The following SLIT3 variants were observed in gnomAD, a reference collection of about 807,000 sequenced individuals.
SLIT3 encodes the protein slit guidance ligand 3.
A neutral mutation model predicts 184.0 loss-of-function variants in SLIT3; 68 were observed. The ratio of observed to expected loss-of-function variants is 0.37; its 90% confidence interval spans 0.30 to 0.45. The LOEUF is 0.45. Among genes scored for constraint, SLIT3 ranks in the 20% least tolerant of loss-of-function variants. The pLI, the probability that SLIT3 is intolerant of heterozygous loss-of-function variation, is 1.00. For synonymous variants in SLIT3, 831 were observed against 828.6 expected (o/e 1.00, Z -0.05); for missense variants, 1,707 against 2,026.0 (o/e 0.84, Z 3.02).
intron 4 of SLIT3, among the ~76,000 whole-genome samples, chr5:169,059,621 CAA>C (rs1465352178): frequency 6.6e-6 from 1 of 152,212 alleles, no homozygotes; most frequent in African/African-American, 2.4e-5. Context: ...ACATTAAAAA[CAA>C]ATTTTTAAAA....
chr5:168,876,318 C>A (rs550994622), intron 5 of SLIT3, among the ~76,000 whole-genome samples: 1 of 152,300 alleles, frequency 6.6e-6, no homozygotes, highest in East Asian at 1.9e-4. Flanking sequence ...CTCCCCACTG[C>A]TGCTGAAGCT....
chr5:168,745,318 G>A (rs1763766245), intron 20 of SLIT3, among the ~76,000 whole-genome samples: 1 of 152,232 alleles, frequency 6.6e-6, no homozygotes, highest in African/African-American at 2.4e-5. Flanking sequence ...TTTTGGTGAA[G>A]ATGCTGTGAA....
At chr5:169,237,312 T>C (rs77966819) in intron 3 of SLIT3, among the ~76,000 whole-genome samples, 6,089 of 152,300 alleles carry the variant, frequency 0.04, 413 homozygotes, top group African/African-American at 0.14. Context: ...GATAAATGCA[T>C]AGTGTCACGT....
At chr5:169,107,985 CA>C (rs1760280691) in intron 4 of SLIT3, among the ~76,000 whole-genome samples, 1 of 152,222 alleles carries the variant, frequency 6.6e-6, no homozygotes, top group African/African-American at 2.4e-5. Context: ...TCATTCTTCA[CA>C]CTCATTTTGA....
At chr5:168,881,928 G>A (rs1300512721) in intron 5 of SLIT3, among the ~76,000 whole-genome samples, 1 of 152,170 alleles carries the variant, frequency 6.6e-6, no homozygotes, top group East Asian at 1.9e-4. Flanking sequence ...ACCCTCAGAA[G>A]CAGCAGCAGG....
chr5:169,267,185 C>A (rs1766427668), intron 1 of SLIT3, among the ~76,000 whole-genome samples: 1 of 152,004 alleles, frequency 6.6e-6, no homozygotes. Flanking sequence ...ATTAAGACAC[C>A]TGTCTATGGT....
intron 29 of SLIT3, among the ~76,000 whole-genome samples, chr5:168,692,086 C>T (rs986082454): frequency 6.6e-6 from 1 of 152,210 alleles, no homozygotes; most frequent in African/African-American, 2.4e-5. Flanking sequence ...ACAGCTCCGC[C>T]AATGGCCATG....
chr5:169,069,152 C>T (rs570418889), intron 4 of SLIT3, among the ~76,000 whole-genome samples: 2 of 152,270 alleles, frequency 1.3e-5, no homozygotes, highest in African/African-American at 4.8e-5. Flanking sequence ...CAATGACCAC[C>T]CCCAATTTAC....
At chr5:168,918,468 C>A (rs1401521299) in intron 4 of SLIT3, among the ~76,000 whole-genome samples, 1 of 152,182 alleles carries the variant, frequency 6.6e-6, no homozygotes, top group Non-Finnish European at 1.5e-5. Context: ...CACTGAGGGC[C>A]CCAGCCTGTT....
chr5:168,900,371 T>C lies in SLIT3; in HGVS notation c.414-17035A>G, dbSNP rs149894685. On this transcript the variant is annotated intron_variant, in intron 4 of 35. Transcript: ENST00000519560. The stretch of plus-strand genomic sequence containing the variant: ...GGCTTATGCCTGTAATCCCAGCACT[T>C]TGGGAGGCTGAGGTAGGCAGATCAC... 5.8e-3 allele frequency among the ~76,000 whole-genome samples: 887 copies of C among 152,288 alleles called. 9 individuals carry two copies. The highest frequency in any genetic ancestry group is 0.02 in the African/African-American group (850 of 41,548).
chr5:169,262,290 G>A (rs1459608014), intron 1 of SLIT3, among the ~76,000 whole-genome samples: 2 of 152,226 alleles, frequency 1.3e-5, no homozygotes, highest in Non-Finnish European at 2.9e-5. Flanking sequence ...ACAGTACAGG[G>A]TGAGGTGAAG....
At chr5:168,984,505 A>G (rs1452447129) in intron 4 of SLIT3, among the ~76,000 whole-genome samples, 1 of 152,148 alleles carries the variant, frequency 6.6e-6, no homozygotes, top group African/African-American at 2.4e-5. Context: ...TTGTGAAGTT[A>G]AGGGCCTCCA....
At chr5:168,942,901 G>A (rs1198481079) in intron 4 of SLIT3, among the ~76,000 whole-genome samples, 2 of 152,186 alleles carry the variant, frequency 1.3e-5, no homozygotes, top group Non-Finnish European at 2.9e-5. Flanking sequence ...GTAGAAAAGT[G>A]TGTGATGATC....
intron 4 of SLIT3, among the ~76,000 whole-genome samples, chr5:169,088,939 G>A (rs1039567435): frequency 2.1e-5 from 3 of 142,866 alleles, no homozygotes; most frequent in Admixed American, 7.5e-5. Context: ...AGAATCGCTC[G>A]TACCTGGGAG....
intron 4 of SLIT3, among the ~76,000 whole-genome samples, chr5:168,978,681 C>A (rs568661383): frequency 6.2e-4 from 95 of 152,276 alleles, no homozygotes; most frequent in African/African-American, 2.0e-3. Flanking sequence ...CACTGCCTCT[C>A]ATTATTAGAG....
At chr5:169,168,561 C>T (rs1396858558) in intron 4 of SLIT3, among the ~76,000 whole-genome samples, 1 of 152,162 alleles carries the variant, frequency 6.6e-6, no homozygotes, top group African/African-American at 2.4e-5. Context: ...ATCTTTACAA[C>T]GGCTCTATGA....
rs112550348 is a variant in SLIT3 at position 168,873,132 on chromosome 5, T to A, written c.485+10133A>T. ...CCTCCATGCTCACCAAATCTCAGGG[T>A]TTTTCCCGGCCAATCTCTCAGAAAA... On this transcript the variant is annotated intron_variant, in intron 5 of 35. Transcript: ENST00000519560. Among the ~76,000 whole-genome samples, 261 of 152,134 alleles carry A rather than the reference T, an allele frequency of 1.7e-3. 2 individuals carry two copies. The highest frequency in any genetic ancestry group is 5.9e-3 in the African/African-American group (247 of 41,516).
In SLIT3 at chr5:169,300,628, C is replaced by A. The variant is rs924415374; in HGVS notation, c.82G>T (p.Gly28Trp). Residue 28 changes from glycine (G) to tryptophan (W), a missense_variant, in exon 1 of 36, where the codon GGG becomes TGG. Physicochemically the swap from Gly to Trp is radical, Grantham distance 184. Transcript: ENST00000519560. This position sits in a 1 kb window ranked among gnomAD's most constrained non-coding sequence, Gnocchi z 4.1. ...LALALASVLS[G>W]PPAVACPTKC... Reference sequence around the variant, plus strand: ...GTGGGGCAGGCGACGGCTGGAGGCCCACTCAGGACGCTCGCCAGCGCCAAG... The same window carrying A: ...GTGGGGCAGGCGACGGCTGGAGGCCAACTCAGGACGCTCGCCAGCGCCAAG... 1.7e-5 allele frequency: 25 copies of A among 1,495,096 alleles called. No individual in the cohort carries two copies. Among genetic ancestry groups the A allele is most frequent in the Non-Finnish European group, 1.8e-5 (20 of 1,127,588 alleles). 92.6% of individuals were successfully genotyped at this position (1,495,096 alleles called of 1,614,324 possible).
rs528030002 is a variant in SLIT3, at chr5:168,827,558, C to T, written c.558-4227G>A. On this transcript the variant is annotated intron_variant, in intron 6 of 35. Coordinates refer to ENST00000519560, the MANE Select transcript of SLIT3 (RefSeq NM_003062.4). ...GGGACCTTCCTCTTACAAGGCCCCT[C>T]GTGATTACCCTTAGAGCTTATCTGA... 1.4e-4 allele frequency among the ~76,000 whole-genome samples: 21 copies of T among 152,338 alleles called. No individual in the cohort carries two copies. In the South Asian group the frequency reaches 4.1e-3, roughly 30 times the overall value.
Sources: allele counts gnomAD v4.1 joint callset (sites outside exome capture counted in the v4.1 genomes callset), GRCh38; gene constraint gnomAD v4.1.1; non-coding constraint Gnocchi (gnomAD v3.1); transcripts MANE v1.5; gene names NCBI Gene and HGNC (gene_info 2026-07-23, HGNC 2026-07-21).